CUL3: variants seen among roughly 807,000 people sequenced by gnomAD.
CUL3 encodes cullin 3.
CUL3 carries 19 observed loss-of-function variants against 89.1 expected under a neutral mutation model. The ratio of observed to expected loss-of-function variants is 0.21; its 90% CI spans 0.15 to 0.31. CUL3 has a LOEUF of 0.31. CUL3 is among the 10% of genes least tolerant of loss of function. The pLI is 1.00. For missense variants in CUL3, 469 were observed against 942.3 expected (o/e 0.50, Z 6.58); for synonymous variants, 351 against 308.4 (o/e 1.14, Z -1.45).
intron 13 of CUL3, among the ~76,000 whole-genome samples, chr2:224,493,034 G>C (rs1413214459): frequency 6.6e-6 from 1 of 152,170 alleles, no homozygotes; most frequent in Non-Finnish European, 1.5e-5. Flanking sequence ...GTATTCTCCA[G>C]CTTCAGTCAA....
At chr2:224,502,427 C>T (rs1692426626) in intron 10 of CUL3, among the ~76,000 whole-genome samples, 1 of 152,174 alleles carries the variant, frequency 6.6e-6, no homozygotes, top group South Asian at 2.1e-4. Context: ...CAGCTCACCA[C>T]CTTTGGGGAG....
chr2:224,565,561 T>C (rs1205426912), intron 1 of CUL3, among the ~76,000 whole-genome samples: 1 of 152,246 alleles, frequency 6.6e-6, no homozygotes, highest in African/African-American at 2.4e-5. Flanking sequence ...TAAGTTTCAG[T>C]GCCCACATCA....
intron 2 of CUL3, among the ~76,000 whole-genome samples, chr2:224,543,009 C>A (rs541240760): frequency 5.3e-4 from 81 of 152,338 alleles, no homozygotes; most frequent in African/African-American, 1.8e-3. Flanking sequence ...CCACAACACA[C>A]ATAATTGTTT....
At position 224,531,661 on chromosome 2, in the gene CUL3, C is replaced by T. The variant is rs190080127; in HGVS notation, c.378+3867G>A. 9.9e-5 allele frequency among the ~76,000 whole-genome samples: 15 copies of T among 151,988 alleles called. No individual in the cohort carries two copies. In the East Asian group the frequency reaches 2.3e-3, roughly 23 times the overall value. On this transcript the variant is annotated intron_variant, in intron 3 of 15. Transcript: ENST00000264414. ...TAGGTACAATGAGAGCAACTGCAGC[C>T]AGTGGGGAGTACGTGGGTCAGGGAA...
chr2:224,480,359 T>C (rs777668925), intron 14 of CUL3, among the ~76,000 whole-genome samples: 27 of 152,164 alleles, frequency 1.8e-4, no homozygotes, highest in Non-Finnish European at 3.5e-4. Flanking sequence ...AGAGAAAATT[T>C]TGACTTAAAC....
At chr2:224,562,295 G>GA (rs1694927391) in intron 1 of CUL3, among the ~76,000 whole-genome samples, 1 of 151,444 alleles carries the variant, frequency 6.6e-6, no homozygotes, top group Non-Finnish European at 1.5e-5. Flanking sequence ...GGGGCTGCAG[G>GA]AAAAAATGTT....
chr2:224,549,012 C>G (rs1694407316), intron 2 of CUL3, among the ~76,000 whole-genome samples: 1 of 151,330 alleles, frequency 6.6e-6, no homozygotes, highest in Admixed American at 6.6e-5. Context: ...CAAAAAACAA[C>G]AACAACAACA....
At chr2:224,573,710 A>C (rs1467248083) in intron 1 of CUL3, among the ~76,000 whole-genome samples, 1 of 152,228 alleles carries the variant, frequency 6.6e-6, no homozygotes, top group African/African-American at 2.4e-5. Context: ...TGAACTTTTC[A>C]GTCAGACATA....
intron 1 of CUL3, among the ~76,000 whole-genome samples, chr2:224,568,140 T>TA (rs1481570632): frequency 2.0e-5 from 3 of 152,214 alleles, no homozygotes; most frequent in African/African-American, 7.2e-5. Context: ...CTAGGTGTCA[T>TA]AACCTCTAGG....
intron 3 of CUL3, chr2:224,532,956 G>A (rs754663912): frequency 2.0e-5 from 3 of 152,094 alleles, no homozygotes; most frequent in Admixed American, 6.5e-5. Flanking sequence ...TAGATTTAGC[G>A]GCAAAAAATG....
chr2:224,509,772 C>T lies in CUL3; in HGVS notation c.883+1582G>A, dbSNP rs1692744764. On this transcript the variant is annotated intron_variant, in intron 6 of 15. Coordinates refer to ENST00000264414, the MANE Select transcript of CUL3 (RefSeq NM_003590.5). Reference sequence around the variant, plus strand: ...CTATCCCCTAAGGTAGGTAAGAAAGCATTCATTCAATACCTAAACAGTACA... The same window carrying T: ...CTATCCCCTAAGGTAGGTAAGAAAGTATTCATTCAATACCTAAACAGTACA... Among the ~76,000 whole-genome samples, 3 of 152,226 alleles carry T rather than the reference C, an allele frequency of 2.0e-5. No homozygotes were observed. The South Asian group carries it at 6.2e-4, about 32-fold the overall frequency.
At chr2:224,495,755 T>TTCAA (rs1326942021) in intron 13 of CUL3, 77 bp downstream of exon 13, 1 of 1,272,392 alleles carries the variant, frequency 7.9e-7, no homozygotes, top group Non-Finnish European at 1.1e-6. Context: ...CTAAAGGTTA[T>TTCAA]TCAAATAAGA....
chr2:224,484,027 CA>C (rs1691626932), intron 13 of CUL3, among the ~76,000 whole-genome samples: 1 of 152,046 alleles, frequency 6.6e-6, no homozygotes, highest in Non-Finnish European at 1.5e-5. Flanking sequence ...TGCTCTCTAC[CA>C]AACATTTAAA....
At chr2:224,539,418 T>C (rs1250942631) in intron 2 of CUL3, among the ~76,000 whole-genome samples, 2 of 152,200 alleles carry the variant, frequency 1.3e-5, no homozygotes, top group Non-Finnish European at 2.9e-5. Context: ...CCAGACATAC[T>C]CTTACCATAT....
Position 224,503,199 on chromosome 2 carries a change from T to C in CUL3, c.1378-127A>G, listed in dbSNP as rs972391589. ...ATCTTCCTGTAAATTTTTCCAACAGTTGCTCTGTGCCTGTGGTTATCAAAC... is the reference window on the plus strand; with the variant it reads ...ATCTTCCTGTAAATTTTTCCAACAGCTGCTCTGTGCCTGTGGTTATCAAAC... On this transcript the variant is annotated intron_variant, in intron 9 of 15. Coordinates refer to ENST00000264414, the MANE Select transcript of CUL3 (RefSeq NM_003590.5). The C allele has an allele frequency of 8.6e-6, 6 of 701,082 alleles. No individual in the cohort carries two copies. In the African/African-American group the frequency reaches 8.9e-5, roughly 10 times the overall value. 43.4% of individuals were successfully genotyped at this position (701,082 alleles called of 1,614,324 possible).
At chr2:224,580,412 G>A (rs1050182476) in intron 1 of CUL3, among the ~76,000 whole-genome samples, 1 of 152,178 alleles carries the variant, frequency 6.6e-6, no homozygotes, top group Non-Finnish European at 1.5e-5. Flanking sequence ...GCTGAAACGC[G>A]GTGGCTCACA....
chr2:224,566,008 A>G (rs1695032322), intron 1 of CUL3, among the ~76,000 whole-genome samples: 1 of 152,156 alleles, frequency 6.6e-6, no homozygotes, highest in Non-Finnish European at 1.5e-5. Context: ...TAGCAATGAC[A>G]ATCTTTTCCA....
intron 3 of CUL3, among the ~76,000 whole-genome samples, chr2:224,524,483 A>G (rs1477002833): frequency 1.3e-5 from 2 of 152,200 alleles, no homozygotes; most frequent in Non-Finnish European, 2.9e-5. Flanking sequence ...GACAACTGTT[A>G]GAATTCTAGG....
At chr2:224,571,124 C>T (rs77130161) in intron 1 of CUL3, among the ~76,000 whole-genome samples, 2,236 of 152,214 alleles carry the variant, frequency 0.015, 57 homozygotes, top group African/African-American at 0.051. Flanking sequence ...ACTATTGGTG[C>T]TATTTCCACC....
Sources: allele counts gnomAD v4.1 joint callset (sites outside exome capture counted in the v4.1 genomes callset), GRCh38; gene constraint gnomAD v4.1.1; transcripts MANE v1.5; gene names NCBI Gene and HGNC (gene_info 2026-07-23, HGNC 2026-07-21).